DHX8: variants seen among roughly 807,000 people sequenced by gnomAD.
DHX8 encodes ATP-dependent RNA helicase DHX8.
DHX8 carries 67 observed loss-of-function variants against 140.7 expected under a neutral mutation model. The ratio of observed to expected loss-of-function variants is 0.48; its 90% confidence interval spans 0.39 to 0.58. DHX8 has a LOEUF of 0.58. Among genes scored for constraint, DHX8 ranks in the 20% least tolerant of loss-of-function variants. The pLI is 0.00. For missense variants in DHX8, 887 were observed against 1,550.7 expected, an observed-to-expected ratio of 0.57 and a Z score of 7.19; for synonymous variants, 533 against 553.2, an observed-to-expected ratio of 0.96 and a Z score of 0.51.
chr17:43,507,257 C>T (rs2154586644), intron 13 of DHX8, 60 bp downstream of exon 13: 2 of 1,511,776 alleles, frequency 1.3e-6, no homozygotes, highest in East Asian at 4.5e-5. Context: ...GTCTCTTAAT[C>T]TATCAAATGG....
chr17:43,488,482 G>A (rs1375372302), intron 1 of DHX8, among the ~76,000 whole-genome samples: 2 of 151,580 alleles, frequency 1.3e-5, no homozygotes, highest in African/African-American at 2.4e-5. Flanking sequence ...GTGGTGGTGG[G>A]CGCCTGTAGT....
intron 9 of DHX8, among the ~76,000 whole-genome samples, chr17:43,496,904 A>C (rs1968892487): frequency 6.6e-6 from 1 of 152,206 alleles, no homozygotes; most frequent in Non-Finnish European, 1.5e-5. Flanking sequence ...GTTGCCCTGG[A>C]AACAACTTTT....
intron 2 of DHX8, 62 bp downstream of exon 2, chr17:43,489,596 TG>T (rs1968379905): frequency 1.1e-5 from 15 of 1,315,354 alleles, no homozygotes; most frequent in East Asian, 4.7e-5. Context: ...TTTGTTTGTT[TG>T]TTTTTTTTTT....
intron 1 of DHX8, among the ~76,000 whole-genome samples, chr17:43,486,292 A>G (rs1370268276): frequency 6.6e-6 from 1 of 150,788 alleles, no homozygotes; most frequent in African/African-American, 2.4e-5. Context: ...AGAAAGGCAT[A>G]TATTTGCTTC....
At chr17:43,484,244 A>C in intron 1 of DHX8, 59 bp downstream of exon 1, 1 of 1,558,900 alleles carries the variant, frequency 6.4e-7, no homozygotes, top group East Asian at 2.3e-5. Flanking sequence ...GGAAGGAGGA[A>C]GGAGGAAGGA....
intron 3 of DHX8, among the ~76,000 whole-genome samples, chr17:43,543,648 A>G (rs547596514): frequency 6.6e-6 from 1 of 152,226 alleles, no homozygotes; most frequent in Admixed American, 6.5e-5. Context: ...AGAACCTCAG[A>G]AGAAGGATGG....
intron 3 of DHX8, among the ~76,000 whole-genome samples, chr17:43,542,541 C>T (rs1971576373): frequency 6.6e-6 from 1 of 152,130 alleles, no homozygotes; most frequent in African/African-American, 2.4e-5. Flanking sequence ...CTGATTCTTT[C>T]CCCAACATCT....
chr17:43,533,788 C>T, intron 2 of DHX8: 5 of 1,566,332 alleles, frequency 3.2e-6, no homozygotes, highest in Non-Finnish European at 4.3e-6. Context: ...TGCCTCTGCT[C>T]ATGGGTGCCC....
At chr17:43,491,355 T>A in intron 4 of DHX8, 105 bp downstream of exon 4, 1 of 575,854 alleles carries the variant, frequency 1.7e-6, no homozygotes, top group Non-Finnish European at 2.8e-6. Flanking sequence ...TTGTTGTAAC[T>A]TATTTTTAAG....
intron 3 of DHX8, among the ~76,000 whole-genome samples, chr17:43,537,227 G>A (rs1432680161): frequency 3.3e-5 from 5 of 152,024 alleles, no homozygotes; most frequent in African/African-American, 9.7e-5. Context: ...TTAGCTGGTC[G>A]TGTTGGCGGG....
chr17:43,523,052 G>A (rs1970458662), intron 22 of DHX8, among the ~76,000 whole-genome samples: 2 of 93,714 alleles, frequency 2.1e-5, no homozygotes, highest in African/African-American at 4.6e-5. Context: ...GACAGAGTGA[G>A]ACTCCGTCCC....
At chr17:43,537,500 C>T (rs1971306092) in intron 3 of DHX8, among the ~76,000 whole-genome samples, 1 of 149,128 alleles carries the variant, frequency 6.7e-6, no homozygotes, top group African/African-American at 2.5e-5. Context: ...TTGAGACCAG[C>T]CTGGCCAACA....
At chr17:43,497,720 GCTGTAGCCTGGGCAACAGAGCAA>G (rs1295638752) in intron 9 of DHX8, among the ~76,000 whole-genome samples, 1 of 151,962 alleles carries the variant, frequency 6.6e-6, no homozygotes, top group Non-Finnish European at 1.5e-5. Flanking sequence ...ATGCCACTGT[GCTGTAGCCTGGGCAACAGAGCAA>G]CACCCTGTCT....
chr17:43,521,070 C>T (rs979219848), intron 20 of DHX8, among the ~76,000 whole-genome samples, 191 bp downstream of exon 20: 1 of 142,714 alleles, frequency 7.0e-6, no homozygotes, highest in African/African-American at 2.7e-5. Flanking sequence ...TCAAGCAGTT[C>T]TCCTGCCTCA....
Position 43,507,541 on chromosome 17 carries a change from T to C in DHX8, c.1962T>C (p.Pro654=), listed in dbSNP as rs751344998. The change falls in exon 14 of 23, where the codon CCT becomes CCC. Residue 654 remains proline, a synonymous_variant. Coordinates refer to ENST00000262415, the MANE Select transcript of DHX8 (RefSeq NM_004941.3). ...YTIRFEDCTS[P]ETVIKYMTDG... Reference sequence around the variant, plus strand: ...TTCGATTTGAGGACTGCACTAGCCCTGAAACAGTCATCAAGTACATGACAG... The same window carrying C: ...TTCGATTTGAGGACTGCACTAGCCCCGAAACAGTCATCAAGTACATGACAG... 6.2e-7 allele frequency: 1 copy of C among 1,614,150 alleles called. No homozygotes were observed. Among genetic ancestry groups the C allele is most frequent in the East Asian group, 2.2e-5 (1 of 44,874 alleles).
chr17:43,508,413 TC>T lies in DHX8; in HGVS notation c.2398del (p.Leu800TrpfsTer8). The T allele has an allele frequency of 6.2e-7, 1 of 1,612,380 alleles. No homozygotes were observed. The highest frequency in any genetic ancestry group is 8.5e-7 in the Non-Finnish European group (1 of 1,178,614). On this transcript the variant is annotated frameshift_variant, in exon 16 of 23. Transcript: ENST00000262415. LOFTEE classifies it high-confidence loss of function. ...ACEILYERMKSLGPDVPELII... is the reference protein window; with the variant it reads ...ACEILYERMKXLGPDVPELII... ...TGAGATCCTGTATGAAAGAATGAAATCCCTGGGACCTGATGTTCCAGAGTTA... is the reference window on the plus strand; with the variant it reads ...TGAGATCCTGTATGAAAGAATGAAATCCTGGGACCTGATGTTCCAGAGTTA...
intron 2 of DHX8, chr17:43,532,531 C>A (rs1970998154): frequency 3.9e-6 from 3 of 769,652 alleles, no homozygotes; most frequent in African/African-American, 1.8e-5. Flanking sequence ...AAATAACATT[C>A]TTTTGAAATT....
At position 43,507,699 on chromosome 17, in the gene DHX8, G is replaced by A; in HGVS notation, c.2109+11G>A. On this transcript the variant is annotated intron_variant, in intron 14 of 22. Coordinates refer to ENST00000262415, the MANE Select transcript of DHX8 (RefSeq NM_004941.3). ...GGATTGTTGAAAAAGGTAACTAGAT[G>A]CTCTTTAATGACCCCTCTACCTGTT... The A allele has an allele frequency of 1.2e-6, 2 of 1,613,536 alleles. No homozygotes were observed. Among genetic ancestry groups the A allele is most frequent in the East Asian group, 2.2e-5 (1 of 44,880 alleles).
downstream of DHX8, among the ~76,000 whole-genome samples, chr17:43,527,047 G>A (rs1970639543): frequency 6.6e-6 from 1 of 152,006 alleles, no homozygotes; most frequent in South Asian, 2.1e-4. Flanking sequence ...CCTGGGCAGC[G>A]GTTTACATAG....
Sources: allele counts gnomAD v4.1 joint callset (sites outside exome capture counted in the v4.1 genomes callset), GRCh38; gene constraint gnomAD v4.1.1; transcripts MANE v1.5; gene names NCBI Gene and HGNC (gene_info 2026-07-23, HGNC 2026-07-21).